PIK3C2G: variants seen among roughly 807,000 people sequenced by gnomAD.
The protein encoded by PIK3C2G is phosphatidylinositol-4-phosphate 3-kinase catalytic subunit type 2 gamma.
A neutral mutation model predicts 181.1 loss-of-function variants in PIK3C2G; 168 were observed. The observed-to-expected ratio is 0.93, with a 90% CI of 0.82 to 1.05. PIK3C2G has a LOEUF of 1.05. PIK3C2G is among the 50% of genes least tolerant of loss of function. PIK3C2G has a pLI of 0.00. For missense variants in PIK3C2G, 1,869 were observed against 1,732.8 expected (o/e 1.08, Z -1.40); for synonymous variants, 573 against 592.2 (o/e 0.97, Z 0.47).
At position 18,360,309 on chromosome 12, in the gene PIK3C2G, T is replaced by G. The variant is rs565970099; in HGVS notation, c.1626-2455T>G. Reference sequence around the variant, plus strand: ...CCCACCACACTTTATGTTATTGATGTTAAAAATTACATCTTTTTATATTAC... The same window carrying G: ...CCCACCACACTTTATGTTATTGATGGTAAAAATTACATCTTTTTATATTAC... On this transcript the variant is annotated intron_variant, in intron 11 of 32. Transcript: ENST00000538779. Among the ~76,000 whole-genome samples the G allele has an allele frequency of 6.3e-4, 96 of 152,318 alleles. 2 individuals carry two copies. In the South Asian group the frequency reaches 0.019, roughly 31 times the overall value.
chr12:18,294,049 A>T (rs1405773359), intron 5 of PIK3C2G, 34 bp downstream of exon 5: 3 of 926,396 alleles, frequency 3.2e-6, no homozygotes, highest in East Asian at 2.5e-5. Context: ...TTGTATTATA[A>T]TCTGTAAATA....
intron 5 of PIK3C2G, among the ~76,000 whole-genome samples, chr12:18,302,891 C>T (rs1390887479): frequency 1.3e-5 from 2 of 152,038 alleles, no homozygotes; most frequent in East Asian, 3.9e-4. Context: ...TTTTGTCAGG[C>T]TTCCTCTTGG....
chr12:18,490,825 G>T (rs1051663592), intron 19 of PIK3C2G, among the ~76,000 whole-genome samples: 5 of 152,142 alleles, frequency 3.3e-5, no homozygotes, highest in African/African-American at 9.7e-5. Flanking sequence ...TTTGTCATAG[G>T]ATGCACAATT....
intron 24 of PIK3C2G, among the ~76,000 whole-genome samples, 187 bp from the exon 25 acceptor site, chr12:18,537,969 C>A (rs962906788): frequency 6.6e-6 from 1 of 151,794 alleles, no homozygotes; most frequent in Non-Finnish European, 1.5e-5. Flanking sequence ...CTCTCTATTG[C>A]AGCATGGTTA....
intron 8 of PIK3C2G, among the ~76,000 whole-genome samples, chr12:18,331,709 C>G (rs1420119225): frequency 6.6e-6 from 1 of 152,008 alleles, no homozygotes; most frequent in African/African-American, 2.4e-5. Context: ...TACAAGTAGT[C>G]ATAAGAACAG....
intron 18 of PIK3C2G, among the ~76,000 whole-genome samples, chr12:18,449,670 T>C (rs1310265910): frequency 6.6e-6 from 1 of 152,230 alleles, no homozygotes; most frequent in African/African-American, 2.4e-5. Flanking sequence ...ATGGTGTGTA[T>C]GTATGCCACA....
At chr12:18,279,571 A>G (rs1299054756) in intron 1 of PIK3C2G, among the ~76,000 whole-genome samples, 1 of 152,062 alleles carries the variant, frequency 6.6e-6, no homozygotes, top group Non-Finnish European at 1.5e-5. Flanking sequence ...GAGCAAGTCA[A>G]GCTAAGAAAG....
At chr12:18,312,514 A>G (rs1326886539) in intron 5 of PIK3C2G, among the ~76,000 whole-genome samples, 2 of 152,164 alleles carry the variant, frequency 1.3e-5, no homozygotes, top group Non-Finnish European at 2.9e-5. Flanking sequence ...ATGAAAGGAC[A>G]GGAACTTGAT....
At chr12:18,495,472 A>T (rs978820080) in intron 20 of PIK3C2G, among the ~76,000 whole-genome samples, 1 of 152,144 alleles carries the variant, frequency 6.6e-6, no homozygotes, top group African/African-American at 2.4e-5. Context: ...GAAAAATGTA[A>T]GGATTTTTCA....
intron 25 of PIK3C2G, among the ~76,000 whole-genome samples, chr12:18,543,723 CTCTCTAT>C (rs1944285708): frequency 1.3e-5 from 2 of 151,782 alleles, no homozygotes; most frequent in Admixed American, 1.3e-4. Flanking sequence ...TATTTCTGGC[CTCTCTAT>C]TTTGTTCCAT....
intron 13 of PIK3C2G, among the ~76,000 whole-genome samples, chr12:18,381,509 C>T (rs1025997160): frequency 4.6e-5 from 7 of 152,178 alleles, no homozygotes; most frequent in Middle Eastern, 3.4e-3. Context: ...CCATTAGAAA[C>T]CACTGTGGGC....
chr12:18,570,339 G>GATAGATACATCTATATCTGTAT (rs1174541426), intron 29 of PIK3C2G, among the ~76,000 whole-genome samples: 48 of 142,094 alleles, frequency 3.4e-4, no homozygotes, highest in African/African-American at 8.4e-4. Context: ...CTCCCCAGTA[G>GATAGATACATCTATATCTGTAT]CTGGGATTAC....
intron 11 of PIK3C2G, among the ~76,000 whole-genome samples, chr12:18,360,713 T>G (rs1941162884): frequency 6.6e-6 from 1 of 152,204 alleles, no homozygotes; most frequent in African/African-American, 2.4e-5. Flanking sequence ...TTACAAAGTT[T>G]CTGCTGAAAA....
At chr12:18,508,471 G>A (rs1386271462) in intron 24 of PIK3C2G, among the ~76,000 whole-genome samples, 1 of 152,078 alleles carries the variant, frequency 6.6e-6, no homozygotes, top group Non-Finnish European at 1.5e-5. Flanking sequence ...GTACACAAAA[G>A]TCCTTTTACA....
chr12:18,455,410 T>C (rs930614103), intron 18 of PIK3C2G, among the ~76,000 whole-genome samples: 3 of 152,024 alleles, frequency 2.0e-5, no homozygotes, highest in African/African-American at 7.2e-5. Flanking sequence ...ATAACATACA[T>C]AGGATTATTT....
intron 32 of PIK3C2G, among the ~76,000 whole-genome samples, chr12:18,641,500 A>G (rs1250885241): frequency 6.6e-6 from 1 of 151,498 alleles, no homozygotes; most frequent in Non-Finnish European, 1.5e-5. Flanking sequence ...ATTCTCTTCC[A>G]TTTTCTCTAC....
At position 18,537,014 on chromosome 12, in the gene PIK3C2G, A is replaced by G. The variant is rs1192626859; in HGVS notation, c.3324-1142A>G. On this transcript the variant is annotated intron_variant, in intron 24 of 32. Coordinates refer to ENST00000538779, the MANE Select transcript of PIK3C2G (RefSeq NM_001288772.2). The stretch of plus-strand genomic sequence containing the variant: ...TTTCTAAATAAAATAATCATAGCCA[A>G]AAAACTCGAGTGTTTGTTTTATTTT... Among the ~76,000 whole-genome samples the G allele has an allele frequency of 2.0e-5, 3 of 152,090 alleles. No individual in the cohort carries two copies. The South Asian group carries it at 6.2e-4, about 32-fold the overall frequency.
chr12:18,683,694 A>T, the PIK3C2G span: 1 of 1,160,970 alleles, frequency 8.6e-7, no homozygotes, highest in African/African-American at 1.6e-5. Context: ...TCACCCTGGA[A>T]AGGTGACTCT....
At chr12:18,519,977 A>T (rs2136176527) in intron 24 of PIK3C2G, among the ~76,000 whole-genome samples, 1 of 149,424 alleles carries the variant, frequency 6.7e-6, no homozygotes, top group South Asian at 2.2e-4. Flanking sequence ...TCTCCAAGAA[A>T]CACCCAAGAA....
Sources: gnomAD v4.1 joint callset for allele counts (sites outside exome capture counted in the v4.1 genomes callset) on GRCh38, gnomAD v4.1.1 for gene constraint, MANE v1.5 for transcripts, NCBI Gene and HGNC (gene_info 2026-07-23, HGNC 2026-07-21) for gene names.